Variants in GGA2 observed in about 807,000 individuals in gnomAD.
GGA2 encodes golgi associated, gamma adaptin ear containing, ARF binding protein 2, also known as ADP-ribosylation factor-binding protein GGA2.
GGA2 carries 48 observed loss-of-function variants against 79.5 expected under a neutral mutation model. The ratio of observed to expected loss-of-function variants is 0.60; its 90% CI spans 0.48 to 0.77. The LOEUF (loss-of-function observed/expected upper bound fraction) is 0.77, where lower values mean the gene tolerates loss of function less well. GGA2 is among the 30% of genes least tolerant of loss of function. GGA2 has a pLI of 0.00. For synonymous variants in GGA2, 317 were observed against 302.0 expected (o/e 1.05, Z -0.51); for missense variants, 770 against 774.0 (o/e 0.99, Z 0.06).
chr16:23,510,865 C>A (rs1965040958), upstream of GGA2, among the ~76,000 whole-genome samples: 1 of 150,004 alleles, frequency 6.7e-6, no homozygotes. Context: ...CACCACCACG[C>A]CTGGCGTGTG....
At chr16:23,470,960 G>A (rs987030156) in intron 14 of GGA2, among the ~76,000 whole-genome samples, 13 of 149,542 alleles carry the variant, frequency 8.7e-5, no homozygotes, top group Admixed American at 8.2e-4. Context: ...CTCCCTAGTA[G>A]CTGGGATTAC....
intron 1 of GGA2, among the ~76,000 whole-genome samples, chr16:23,508,810 A>G (rs1965003629): frequency 6.6e-6 from 1 of 152,144 alleles, no homozygotes; most frequent in African/African-American, 2.4e-5. Flanking sequence ...CTATGCCACA[A>G]GCACCTCAAA....
intron 9 of GGA2, among the ~76,000 whole-genome samples, 198 bp downstream of exon 9, chr16:23,482,725 C>A (rs564574442): frequency 6.6e-6 from 1 of 152,266 alleles, no homozygotes; most frequent in Admixed American, 6.5e-5. Flanking sequence ...GGCTTTAGAC[C>A]TGCTGCTGAT....
intron 1 of GGA2, among the ~76,000 whole-genome samples, chr16:23,521,473 C>T (rs771619202): frequency 6.6e-6 from 1 of 151,688 alleles, no homozygotes; most frequent in Non-Finnish European, 1.5e-5. Context: ...ATTCATAGCT[C>T]ACTGCAGCCT....
At chr16:23,520,972 A>G (rs939466914) in intron 1 of GGA2, among the ~76,000 whole-genome samples, 4 of 151,970 alleles carry the variant, frequency 2.6e-5, no homozygotes, top group African/African-American at 9.7e-5. Context: ...TTGTACTTTT[A>G]GTAGAGATGG....
chr16:23,510,640 G>A (rs1596998981), upstream of GGA2: 2 of 377,558 alleles, frequency 5.3e-6, no homozygotes, highest in Admixed American at 4.5e-5. Flanking sequence ...CTCACCGTAC[G>A]GTTGCCAGAT....
chr16:23,471,531 C>T (rs1964511056), intron 14 of GGA2, among the ~76,000 whole-genome samples: 1 of 151,982 alleles, frequency 6.6e-6, no homozygotes, highest in African/African-American at 2.4e-5. Context: ...AAAATCAGGG[C>T]TGGCTCAATG....
At chr16:23,521,763 T>C (rs1366435335) in intron 1 of GGA2, 9 of 449,526 alleles carry the variant, frequency 2.0e-5, no homozygotes, top group Non-Finnish European at 4.0e-5. Context: ...ACTTAGTATT[T>C]TGACCACTCA....
intron 1 of GGA2, among the ~76,000 whole-genome samples, chr16:23,520,657 T>TA (rs77857333): frequency 0.067 from 8,803 of 131,882 alleles, 351 homozygotes; most frequent in Non-Finnish European, 0.098. Flanking sequence ...AACATCCTCT[T>TA]AAAAAAAAAA....
chr16:23,513,262 T>C (rs554405207), upstream of GGA2, among the ~76,000 whole-genome samples: 3 of 108,570 alleles, frequency 2.8e-5, no homozygotes, highest in Non-Finnish European at 4.1e-5. Context: ...TGTTTTGGCA[T>C]AGCGAGTACT....
Position 23,466,460 on chromosome 16 carries a change from T to G in GGA2, c.*1130A>C, listed in dbSNP as rs946921152. The G allele has an allele frequency of 1.3e-5, 2 of 152,254 alleles. No homozygotes were observed. Among genetic ancestry groups the G allele is most frequent in the African/African-American group, 2.4e-5 (1 of 41,472 alleles). 9.4% of individuals were successfully genotyped at this position (152,254 alleles called of 1,614,324 possible). The stretch of plus-strand genomic sequence containing the variant: ...TCAGATCTTCAGGTTCTCTCTTCTC[T>G]GAGGCAGCTAAGCTTCTACATCCTT... On this transcript the variant is annotated 3_prime_UTR_variant, in exon 17 of 17. Transcript: ENST00000309859.
intron 2 of GGA2, among the ~76,000 whole-genome samples, 184 bp from the exon 3 acceptor site, chr16:23,494,562 GC>G (rs1354797156): frequency 4.6e-5 from 7 of 152,180 alleles, no homozygotes; most frequent in Admixed American, 4.6e-4. Flanking sequence ...CACCCTGGTT[GC>G]ACCTACAGCA....
intron 1 of GGA2, among the ~76,000 whole-genome samples, chr16:23,505,279 C>T (rs1964962339): frequency 6.6e-6 from 1 of 152,148 alleles, no homozygotes; most frequent in Non-Finnish European, 1.5e-5. Context: ...TTTACTAAGC[C>T]ATGGCCTCCC....
At chr16:23,504,318 T>A (rs1433741552) in intron 1 of GGA2, among the ~76,000 whole-genome samples, 1 of 152,180 alleles carries the variant, frequency 6.6e-6, no homozygotes, top group Admixed American at 6.5e-5. Flanking sequence ...AGTTAGGGCC[T>A]CTCTTGGAAG....
intron 1 of GGA2, among the ~76,000 whole-genome samples, chr16:23,520,740 A>G (rs1401408747): frequency 1.3e-5 from 2 of 151,372 alleles, no homozygotes; most frequent in African/African-American, 4.9e-5. Flanking sequence ...TCAAGATAGC[A>G]CAGCACACTT....
chr16:23,469,187 G>A (rs1161076606), intron 15 of GGA2, 191 bp from the exon 16 acceptor site: 1 of 508,676 alleles, frequency 2.0e-6, no homozygotes, highest in Non-Finnish European at 3.6e-6. Context: ...GGATCTAAGA[G>A]GCCTTTCCTT....
chr16:23,487,549 C>T (rs1429093479), intron 6 of GGA2, among the ~76,000 whole-genome samples: 1 of 152,142 alleles, frequency 6.6e-6, no homozygotes, highest in East Asian at 1.9e-4. Context: ...TTGTTCATCC[C>T]TTCATTTCCA....
At chr16:23,513,482 T>C (rs1417655350), upstream of GGA2, among the ~76,000 whole-genome samples, 1 of 151,904 alleles carries the variant, frequency 6.6e-6, no homozygotes, top group Admixed American at 6.6e-5. Flanking sequence ...TGCTTAAGAG[T>C]TGGCCATAAA....
intron 1 of GGA2, among the ~76,000 whole-genome samples, chr16:23,509,483 A>C (rs2142146545): frequency 6.6e-6 from 1 of 152,212 alleles, no homozygotes; most frequent in East Asian, 1.9e-4. Flanking sequence ...GCCGGCTTGT[A>C]CCCACTAAAA....
Sources: allele counts gnomAD v4.1 joint callset (sites outside exome capture counted in the v4.1 genomes callset), GRCh38; gene constraint gnomAD v4.1.1; transcripts MANE v1.5; gene names NCBI Gene and HGNC (gene_info 2026-07-23, HGNC 2026-07-21).